ATP13A4: variants seen among roughly 807,000 people sequenced by gnomAD.
The protein encoded by ATP13A4 is probable cation-transporting ATPase 13A4.
In ATP13A4, 114 loss-of-function variants were observed where a neutral mutation model predicts 142.5. The ratio of observed to expected loss-of-function variants is 0.80; its 90% confidence interval spans 0.69 to 0.93. The LOEUF is 0.93. ATP13A4 is among the 40% of genes least tolerant of loss of function. The probability of loss-of-function intolerance (pLI) is 0.00; values close to 1 mark genes in which losing one functional copy is unlikely to be tolerated. For synonymous variants in ATP13A4, 488 were observed against 514.8 expected, an observed-to-expected ratio of 0.95 and a Z score of 0.70; for missense variants, 1,392 against 1,454.0, an observed-to-expected ratio of 0.96 and a Z score of 0.69.
chr3:193,585,350 G>T (rs1012094259), intron 1 of ATP13A4, among the ~76,000 whole-genome samples: 4 of 152,088 alleles, frequency 2.6e-5, no homozygotes, highest in African/African-American at 9.7e-5. Flanking sequence ...AACCCAGGGG[G>T]CAGAGGCTGC....
intron 2 of ATP13A4, among the ~76,000 whole-genome samples, chr3:193,567,579 TC>T (rs2108739592): frequency 6.6e-6 from 1 of 152,290 alleles, no homozygotes; most frequent in African/African-American, 2.4e-5. Flanking sequence ...TTAAATTTCC[TC>T]CAATTTACAG....
intron 22 of ATP13A4, 108 bp downstream of exon 22, chr3:193,438,915 G>C (rs1022258399): frequency 8.4e-7 from 1 of 1,193,126 alleles, no homozygotes; most frequent in Non-Finnish European, 1.3e-6. Flanking sequence ...TAAAGGGCTC[G>C]AGTATAAATG....
chr3:193,425,973 T>C (rs1036022364), intron 25 of ATP13A4, among the ~76,000 whole-genome samples: 6 of 151,820 alleles, frequency 4.0e-5, no homozygotes, highest in South Asian at 2.1e-4. Context: ...AAACATCACA[T>C]TGTACCTCAT....
rs76851509 is a variant in ATP13A4, at chr3:193,408,004, G to A, written c.3298-611C>T. 7.2e-5 allele frequency among the ~76,000 whole-genome samples: 11 copies of A among 152,368 alleles called. No individual in the cohort carries two copies. The East Asian group carries it at 9.6e-4, about 13-fold the overall frequency. On this transcript the variant is annotated intron_variant, in intron 28 of 29. Transcript: ENST00000342695. ...ATGGAGCTGAAATCAAGCTTGTCAT[G>A]ACCTGTCCCTTTGCCCATTTTCTCT... is the stretch of plus-strand genomic sequence containing the variant.
intron 2 of ATP13A4, among the ~76,000 whole-genome samples, chr3:193,513,527 G>C (rs989709516): frequency 6.6e-6 from 1 of 152,178 alleles, no homozygotes; most frequent in Non-Finnish European, 1.5e-5. Flanking sequence ...CCACCACATA[G>C]TAACAGAATC....
At chr3:193,549,840 T>A (rs78663094) in intron 1 of ATP13A4, among the ~76,000 whole-genome samples, 1,538 of 152,188 alleles carry the variant, frequency 0.01, 34 homozygotes, top group African/African-American at 0.035. Context: ...AAAACTAACA[T>A]GAAAAAGATA....
At chr3:193,476,406 G>A (rs1718968782) in intron 8 of ATP13A4, among the ~76,000 whole-genome samples, 1 of 151,976 alleles carries the variant, frequency 6.6e-6, no homozygotes, top group African/African-American at 2.4e-5. Context: ...CTCTGGATTG[G>A]GCTTTGCCTT....
intron 24 of ATP13A4, 89 bp downstream of exon 24, chr3:193,435,559 A>G: frequency 2.0e-6 from 2 of 1,023,194 alleles, no homozygotes. Flanking sequence ...TCCTATTTGT[A>G]CTCTTTCTTT....
chr3:193,592,312 G>T (rs1416317975), intron 1 of ATP13A4, among the ~76,000 whole-genome samples: 2 of 152,152 alleles, frequency 1.3e-5, no homozygotes, highest in African/African-American at 4.8e-5. Flanking sequence ...GAAGGGGAAA[G>T]GAGTATTTAA....
chr3:193,462,670 A>G (rs1479737226), intron 13 of ATP13A4, 92 bp downstream of exon 13: 6 of 1,264,536 alleles, frequency 4.7e-6, no homozygotes, highest in South Asian at 1.2e-5. Context: ...GCCAAAGTCC[A>G]AATGTCTCCA....
chr3:193,459,342 A>G (rs1187478631), intron 13 of ATP13A4, 111 bp from the exon 14 acceptor site: 4 of 1,330,424 alleles, frequency 3.0e-6, no homozygotes, highest in Non-Finnish European at 4.2e-6. Context: ...GCTTTGTTGC[A>G]TTAATAGCCA....
chr3:193,401,391 T>G lies in ATP13A4; in HGVS notation c.*1261A>C, dbSNP rs982993666. ...TTTTCTGGAAACTCAAGCCACAAACTTTAAAAAAAAAATGTACTAGTTGTG... is the reference window on the plus strand; with the variant it reads ...TTTTCTGGAAACTCAAGCCACAAACGTTAAAAAAAAAATGTACTAGTTGTG... On this transcript the variant is annotated 3_prime_UTR_variant, in exon 30 of 30. Coordinates refer to ENST00000342695, the MANE Select transcript of ATP13A4 (RefSeq NM_032279.4). Among the ~76,000 whole-genome samples, 4 of 150,982 alleles carry G rather than the reference T, an allele frequency of 2.6e-5. No individual in the cohort carries two copies. Among genetic ancestry groups the G allele is most frequent in the Non-Finnish European group, 5.9e-5 (4 of 67,452 alleles).
intron 23 of ATP13A4, 62 bp from the exon 24 acceptor site, chr3:193,435,806 C>A: frequency 7.1e-7 from 1 of 1,399,886 alleles, no homozygotes; most frequent in Non-Finnish European, 1.0e-6. Context: ...GTCAGTCATT[C>A]TGTGCTGTTC....
At chr3:193,552,949 A>G (rs1723665685) in intron 1 of ATP13A4, among the ~76,000 whole-genome samples, 1 of 152,238 alleles carries the variant, frequency 6.6e-6, no homozygotes, top group Non-Finnish European at 1.5e-5. Flanking sequence ...ATAGCTTGAT[A>G]ATTTTTAAAG....
chr3:193,489,640 G>C (rs995655838), intron 7 of ATP13A4, 90 bp downstream of exon 7: 108 of 1,383,394 alleles, frequency 7.8e-5, no homozygotes, highest in Middle Eastern at 7.5e-4. Flanking sequence ...AGTAGGAAGT[G>C]ACTATTTCCT....
chr3:193,551,709 C>T (rs532008137), intron 1 of ATP13A4, among the ~76,000 whole-genome samples: 151 of 152,340 alleles, frequency 9.9e-4, no homozygotes, highest in Middle Eastern at 6.8e-3. Context: ...AAGCGGCTGG[C>T]CCAAGGCCGG....
chr3:193,447,636 CACTT>C (rs1717030311), intron 18 of ATP13A4, among the ~76,000 whole-genome samples: 2 of 152,170 alleles, frequency 1.3e-5, no homozygotes, highest in African/African-American at 4.8e-5. Flanking sequence ...AATAAAGTCA[CACTT>C]AATTTCATTA....
chr3:193,475,842 G>T (rs559773241), intron 8 of ATP13A4, among the ~76,000 whole-genome samples: 3 of 151,924 alleles, frequency 2.0e-5, no homozygotes, highest in African/African-American at 4.8e-5. Context: ...AGGAAAAAAA[G>T]AATTCTAAAA....
Position 193,435,690 on chromosome 3 carries a change from C to G in ATP13A4, c.2727G>C (p.Leu909=), listed in dbSNP as rs1411245265. The change falls in exon 24 of 30, where the codon CTG becomes CTC. Residue 909 remains leucine (L), a synonymous_variant. Transcript: ENST00000342695. ...TSFCMFKYMA[L]YSMIQYVGVL... ...CACCAACATACTGAATCATGCTGTA[C>G]AGAGCCATGTACTTAAACATGCAAA... 1 of 1,614,116 alleles carries G rather than the reference C, an allele frequency of 6.2e-7. No individual in the cohort carries two copies. Among genetic ancestry groups the G allele is most frequent in the South Asian group, 1.1e-5 (1 of 91,084 alleles).
Sources: allele counts gnomAD v4.1 joint callset (sites outside exome capture counted in the v4.1 genomes callset), GRCh38; gene constraint gnomAD v4.1.1; transcripts MANE v1.5; gene names NCBI Gene and HGNC (gene_info 2026-07-23, HGNC 2026-07-21).